Variants in IKZF3 observed in about 807,000 individuals in gnomAD.
The protein encoded by IKZF3 is IKAROS family zinc finger 3.
Under a neutral mutation model 49.0 loss-of-function variants are expected in IKZF3, and 10 were observed. The ratio of observed to expected loss-of-function variants is 0.20; its 90% CI spans 0.13 to 0.35. The LOEUF is 0.35. Ranked by LOEUF, IKZF3 falls within the 10% of genes least tolerant of loss-of-function variation. The pLI is 1.00. For missense variants in IKZF3, 498 were observed against 664.8 expected (o/e 0.75, Z 2.76); for synonymous variants, 209 against 228.2 (o/e 0.92, Z 0.76).
intron 1 of IKZF3, among the ~76,000 whole-genome samples, chr17:39,862,559 C>G (rs1243119706): frequency 6.6e-6 from 1 of 152,068 alleles, no homozygotes; most frequent in African/African-American, 2.4e-5. Context: ...TACGCAAGGA[C>G]CTGACATTAA....
chr17:39,782,124 A>G (rs1357430903), intron 6 of IKZF3, among the ~76,000 whole-genome samples: 1 of 152,194 alleles, frequency 6.6e-6, no homozygotes, highest in African/African-American at 2.4e-5. Context: ...CTTGTTTTCT[A>G]GTTGATAAGT....
intron 5 of IKZF3, among the ~76,000 whole-genome samples, chr17:39,789,020 C>T (rs1377865300): frequency 6.6e-6 from 1 of 152,138 alleles, no homozygotes; most frequent in South Asian, 2.1e-4. Context: ...TCGCTACAGC[C>T]CCAATTTCAT....
At chr17:39,829,338 TA>T in intron 3 of IKZF3, 48 bp downstream of exon 3, 1 of 1,314,984 alleles carries the variant, frequency 7.6e-7, no homozygotes, top group Non-Finnish European at 1.1e-6. Context: ...ACACTAAGCC[TA>T]AGCAATATCT....
rs542762002 is a variant in IKZF3, at chr17:39,817,464, A to G, written c.163+11923T>C. Among the ~76,000 whole-genome samples the G allele has an allele frequency of 4.6e-5, 7 of 152,186 alleles. No individual in the cohort carries two copies. The East Asian group carries it at 1.2e-3, about 25-fold the overall frequency. On this transcript the variant is annotated intron_variant, in intron 3 of 7. Transcript: ENST00000346872. The stretch of plus-strand genomic sequence containing the variant: ...TTTTTTATAGATGGAGTCTTGCTAT[A>G]TTGCCCAGGCTGGAGTGCACTGGCT...
intron 3 of IKZF3, among the ~76,000 whole-genome samples, chr17:39,816,731 T>G (rs946424292): frequency 6.6e-6 from 1 of 152,260 alleles, no homozygotes; most frequent in African/African-American, 2.4e-5. Context: ...TTGTTTTTGT[T>G]TTTTTGAGAC....
chr17:39,812,882 A>G (rs2061593761), intron 3 of IKZF3, among the ~76,000 whole-genome samples: 1 of 152,054 alleles, frequency 6.6e-6, no homozygotes, highest in Admixed American at 6.6e-5. Flanking sequence ...GCAAATCACG[A>G]GGTCAGGAGA....
chr17:39,759,181 T>A lies in IKZF3; in HGVS notation c.*6609A>T, dbSNP rs1283155816. On this transcript the variant is annotated 3_prime_UTR_variant, in exon 8 of 8. Transcript: ENST00000346872. ...CTGTAACCCCAACACTTTGGGAGGC[T>A]GAGGTGGGCAGATTACTTGAGCCCA... 4 of 152,034 alleles carry A rather than the reference T, an allele frequency of 2.6e-5. No individual in the cohort carries two copies. The highest frequency in any genetic ancestry group is 9.7e-5 in the African/African-American group (4 of 41,376). 9.4% of individuals were successfully genotyped at this position (152,034 alleles called of 1,614,324 possible).
chr17:39,836,280 C>T (rs1025503784), intron 1 of IKZF3, among the ~76,000 whole-genome samples: 13 of 152,170 alleles, frequency 8.5e-5, no homozygotes, highest in African/African-American at 3.1e-4. Context: ...ACACCCTGGA[C>T]ACTGCTGCTG....
In IKZF3 at chr17:39,761,846, A is replaced by C. The variant is rs2143510487; in HGVS notation, c.*3944T>G. On this transcript the variant is annotated 3_prime_UTR_variant, in exon 8 of 8. Coordinates refer to ENST00000346872, the MANE Select transcript of IKZF3 (RefSeq NM_012481.5). Reference sequence around the variant, plus strand: ...CAGCCTCCTGAGTAGCTGGGATTACAGGCATGTGCCATCACGCCCGGCTAA... The same window carrying C: ...CAGCCTCCTGAGTAGCTGGGATTACCGGCATGTGCCATCACGCCCGGCTAA... 6.6e-6 allele frequency: 1 copy of C among 152,420 alleles called. No individual in the cohort carries two copies. Among genetic ancestry groups the C allele is most frequent in the Admixed American group, 6.5e-5 (1 of 15,306 alleles). 9.4% of individuals were successfully genotyped at this position (152,420 alleles called of 1,614,324 possible).
chr17:39,826,492 A>C (rs1007665601), intron 3 of IKZF3, among the ~76,000 whole-genome samples: 1 of 152,226 alleles, frequency 6.6e-6, no homozygotes, highest in Non-Finnish European at 1.5e-5. Flanking sequence ...ATACATGCCC[A>C]TATGTTTCAG....
intron 6 of IKZF3, 54 bp from the exon 7 acceptor site, chr17:39,777,821 G>A: frequency 2.5e-6 from 4 of 1,587,040 alleles, no homozygotes; most frequent in Non-Finnish European, 3.4e-6. Context: ...GGTACATGGG[G>A]AGAAAAGGAA....
intron 3 of IKZF3, among the ~76,000 whole-genome samples, chr17:39,814,650 C>T (rs12952146): frequency 0.057 from 8,673 of 152,118 alleles, 377 homozygotes; most frequent in African/African-American, 0.12. Context: ...ATGAAGCCCA[C>T]GTGACAATGG....
At chr17:39,819,075 T>C (rs1050600817) in intron 3 of IKZF3, among the ~76,000 whole-genome samples, 1 of 152,160 alleles carries the variant, frequency 6.6e-6, no homozygotes, top group African/African-American at 2.4e-5. Flanking sequence ...AAGGCGATAC[T>C]ATTGTATGGG....
chr17:39,823,692 G>A lies in IKZF3; in HGVS notation c.163+5695C>T, dbSNP rs117549788. Among the ~76,000 whole-genome samples, 555 of 152,298 alleles carry A rather than the reference G, an allele frequency of 3.6e-3. 13 individuals carry two copies. In the East Asian group the frequency reaches 0.039, roughly 11 times the overall value. On this transcript the variant is annotated intron_variant, in intron 3 of 7. Coordinates refer to ENST00000346872, the MANE Select transcript of IKZF3 (RefSeq NM_012481.5). ...CCAGCTGCATCTAAAAGGGGCAAAG[G>A]TACAGCTCAGGCTGTTGCTTCAGAG...
intron 3 of IKZF3, among the ~76,000 whole-genome samples, chr17:39,794,538 G>A (rs776269624): frequency 1.1e-4 from 17 of 152,028 alleles, no homozygotes; most frequent in Admixed American, 3.3e-4. Context: ...AGCAAGACAG[G>A]GCCTAACCAC....
In IKZF3 at chr17:39,857,257, T is replaced by C. The variant is rs151209118; in HGVS notation, c.7+6863A>G. Among the ~76,000 whole-genome samples, 490 of 152,340 alleles carry C rather than the reference T, an allele frequency of 3.2e-3. 2 individuals are homozygous for C. The highest frequency in any genetic ancestry group is 0.011 in the African/African-American group (465 of 41,572). On this transcript the variant is annotated intron_variant, in intron 1 of 7. Coordinates refer to ENST00000346872, the MANE Select transcript of IKZF3 (RefSeq NM_012481.5). ...TAATTCCATATCCATAAAAATGTTA[T>C]AGGTTTGTGAGAGTGATCTTTTTCT...
At chr17:39,811,314 A>AAG (rs1388239114) in intron 3 of IKZF3, among the ~76,000 whole-genome samples, 2 of 140,120 alleles carry the variant, frequency 1.4e-5, no homozygotes, top group African/African-American at 6.0e-5. Context: ...AGAGAAAGAG[A>AAG]GAAGGAAAGA....
Position 39,789,091 on chromosome 17 carries a change from A to G in IKZF3, c.593-717T>C, listed in dbSNP as rs921972500. Among the ~76,000 whole-genome samples, 3 of 152,252 alleles carry G rather than the reference A, an allele frequency of 2.0e-5. No homozygotes were observed. The South Asian group carries it at 6.2e-4, about 32-fold the overall frequency. On this transcript the variant is annotated intron_variant, in intron 5 of 7. Coordinates refer to ENST00000346872, the MANE Select transcript of IKZF3 (RefSeq NM_012481.5). ...CTTGGCCTCCCAAAGTGAGAGGCTT[A>G]CAGGTGTGAGCCATTGCACCCGGCC...
intron 3 of IKZF3, among the ~76,000 whole-genome samples, chr17:39,793,270 G>A (rs531576433): frequency 1.3e-5 from 2 of 152,272 alleles, no homozygotes; most frequent in South Asian, 4.1e-4. Context: ...GGGAGAGGAA[G>A]GGTTCTCAGA....
Sources: gnomAD v4.1 joint callset for allele counts (sites outside exome capture counted in the v4.1 genomes callset) on GRCh38, gnomAD v4.1.1 for gene constraint, MANE v1.5 for transcripts, NCBI Gene and HGNC (gene_info 2026-07-23, HGNC 2026-07-21) for gene names.